Variants in TSC22D1 observed in about 807,000 individuals in gnomAD.
The protein encoded by TSC22D1 is TSC22 domain family member 1.
TSC22D1 carries 9 observed loss-of-function variants against 74.2 expected under a neutral mutation model. The observed-to-expected ratio is 0.12, with a 90% confidence interval of 0.07 to 0.21. The LOEUF is 0.21. Ranked by LOEUF, TSC22D1 falls within the 10% of genes least tolerant of loss-of-function variation. The pLI, the probability that TSC22D1 is intolerant of heterozygous loss-of-function variation, is 1.00. For synonymous variants in TSC22D1, 586 were observed against 492.5 expected, an observed-to-expected ratio of 1.19 and a Z score of -2.51; for missense variants, 1,427 against 1,304.7, an observed-to-expected ratio of 1.09 and a Z score of -1.44.
intron 1 of TSC22D1, among the ~76,000 whole-genome samples, chr13:44,546,464 A>G (rs1021429939): frequency 2.0e-5 from 3 of 152,198 alleles, no homozygotes; most frequent in Admixed American, 6.5e-5. Context: ...TTAAGGACCA[A>G]TGAAACTACC....
At chr13:44,474,957 G>C (rs1267072871) in intron 1 of TSC22D1, among the ~76,000 whole-genome samples, 1 of 152,178 alleles carries the variant, frequency 6.6e-6, no homozygotes, top group East Asian at 1.9e-4. Context: ...TCTAGCCCTA[G>C]AAATATACTA....
chr13:44,443,544 T>A (rs1875377255), intron 1 of TSC22D1, among the ~76,000 whole-genome samples: 2 of 152,166 alleles, frequency 1.3e-5, no homozygotes. Context: ...CCCTTAGTAT[T>A]TAAATCTAAG....
chr13:44,444,940 A>C lies in TSC22D1; in HGVS notation c.2913-8845T>G, dbSNP rs543998991. On this transcript the variant is annotated intron_variant, in intron 1 of 2. Transcript: ENST00000458659. ...ATAGTTTAAACTCTTTCTATAAAGA[A>C]AACCTCAAGCTCAAATGGTTTCACT... 2.6e-5 allele frequency among the ~76,000 whole-genome samples: 4 copies of C among 152,318 alleles called. No homozygotes were observed. The South Asian group carries it at 8.3e-4, about 32-fold the overall frequency.
chr13:44,551,327 G>A (rs1422634934), intron 1 of TSC22D1, among the ~76,000 whole-genome samples: 9 of 150,872 alleles, frequency 6.0e-5, no homozygotes, highest in Admixed American at 5.9e-4. Context: ...GTGTGTGTGT[G>A]TGTGTGTGTG....
intron 1 of TSC22D1, among the ~76,000 whole-genome samples, chr13:44,514,166 GAAC>G (rs2138018836): frequency 6.6e-6 from 1 of 151,894 alleles, no homozygotes; most frequent in South Asian, 2.1e-4. Context: ...AGTGTTATTA[GAAC>G]AACTAGAAGC....
intron 1 of TSC22D1, among the ~76,000 whole-genome samples, chr13:44,561,050 A>AC (rs1044589640): frequency 6.6e-6 from 1 of 151,950 alleles, no homozygotes; most frequent in African/African-American, 2.4e-5. Context: ...ATGCAAAAAT[A>AC]CCCCCCGGGG....
At chr13:44,440,587 C>CAAAAAAAAAAAAAAAAAAAA (rs67344848) in intron 1 of TSC22D1, among the ~76,000 whole-genome samples, 1 of 68,268 alleles carries the variant, frequency 1.5e-5, no homozygotes, top group African/African-American at 6.2e-5. Context: ...GGCTCTGTCT[C>CAAAAAAAAAAAAAAAAAAAA]AAAAAAAAAA....
chr13:44,538,004 C>A (rs1430045600), intron 1 of TSC22D1: 2 of 984,956 alleles, frequency 2.0e-6, no homozygotes, highest in Non-Finnish European at 2.4e-6. Context: ...TTAATAGATA[C>A]CAAAGAAAGA....
At chr13:44,524,755 T>C (rs1245464537) in intron 1 of TSC22D1, among the ~76,000 whole-genome samples, 1 of 152,164 alleles carries the variant, frequency 6.6e-6, no homozygotes, top group Non-Finnish European at 1.5e-5. Context: ...GCTAGGCTGG[T>C]CTCAAACCCC....
intron 1 of TSC22D1, chr13:44,436,900 C>T (rs1455105877): frequency 5.4e-6 from 6 of 1,104,528 alleles, no homozygotes; most frequent in Admixed American, 5.0e-5. Context: ...CAGGAAAGAG[C>T]TGCGCCGATT....
At chr13:44,517,928 T>A (rs1880130627) in intron 1 of TSC22D1, among the ~76,000 whole-genome samples, 1 of 135,464 alleles carries the variant, frequency 7.4e-6, no homozygotes, top group Non-Finnish European at 1.6e-5. Flanking sequence ...GGATCACAGC[T>A]CACTGCAGAC....
At chr13:44,537,526 G>C (rs564260187) in intron 1 of TSC22D1, 3 of 985,090 alleles carry the variant, frequency 3.0e-6, no homozygotes, top group Middle Eastern at 5.2e-4. Flanking sequence ...GGTTCAAAGA[G>C]TTCAACTAAC....
intron 1 of TSC22D1, among the ~76,000 whole-genome samples, chr13:44,479,084 A>C (rs2137927315): frequency 6.6e-6 from 1 of 152,314 alleles, no homozygotes; most frequent in African/African-American, 2.4e-5. Context: ...ATCCAATGAA[A>C]TAAACTACAC....
At chr13:44,440,615 C>T (rs920449385) in intron 1 of TSC22D1, among the ~76,000 whole-genome samples, 19 of 142,306 alleles carry the variant, frequency 1.3e-4, no homozygotes, top group Admixed American at 1.4e-4. Context: ...AAAAAAGAAT[C>T]GGAAAAGAAA....
intron 1 of TSC22D1, among the ~76,000 whole-genome samples, chr13:44,553,392 T>A (rs777720651): frequency 3.9e-5 from 6 of 152,282 alleles, no homozygotes; most frequent in Admixed American, 1.3e-4. Context: ...AAACTAGTTT[T>A]GAAACTTTAT....
At chr13:44,448,126 A>T (rs1875835828) in intron 1 of TSC22D1, among the ~76,000 whole-genome samples, 1 of 152,170 alleles carries the variant, frequency 6.6e-6, no homozygotes, top group South Asian at 2.1e-4. Context: ...AAACATCTGA[A>T]GAAGTGACAA....
intron 1 of TSC22D1, among the ~76,000 whole-genome samples, chr13:44,461,268 T>C (rs990722538): frequency 2.0e-5 from 3 of 152,238 alleles, no homozygotes; most frequent in Non-Finnish European, 4.4e-5. Context: ...ACCTGGAATA[T>C]GAACTCAGGT....
chr13:44,439,288 C>T (rs78671715), intron 1 of TSC22D1, among the ~76,000 whole-genome samples: 2,364 of 152,256 alleles, frequency 0.016, 46 homozygotes, highest in African/African-American at 0.052. Context: ...TTTGTTGAGC[C>T]AAAGGATAGG....
intron 1 of TSC22D1, among the ~76,000 whole-genome samples, chr13:44,465,305 G>A (rs9533868): frequency 0.099 from 15,070 of 152,198 alleles, 779 homozygotes; most frequent in Non-Finnish European, 0.11. Flanking sequence ...TACCCCCGAA[G>A]ACTTTGCCAG....
Sources: allele counts gnomAD v4.1 joint callset (sites outside exome capture counted in the v4.1 genomes callset), GRCh38; gene constraint gnomAD v4.1.1; transcripts MANE v1.5; gene names NCBI Gene and HGNC (gene_info 2026-07-23, HGNC 2026-07-21).